Variants in GPBP1L1 observed in about 807,000 individuals in gnomAD.
GPBP1L1 encodes GC-rich promoter binding protein 1 like 1, also known as vasculin-like protein 1.
GPBP1L1 carries 23 observed loss-of-function variants against 52.5 expected under a neutral mutation model. The observed-to-expected ratio is 0.44, with a 90% confidence interval of 0.32 to 0.62. The LOEUF (loss-of-function observed/expected upper bound fraction) is 0.62. Among genes scored for constraint, GPBP1L1 ranks in the 20% least tolerant of loss-of-function variants. The pLI, the probability that GPBP1L1 is intolerant of heterozygous loss-of-function variation, is 0.06. For synonymous variants in GPBP1L1, 243 were observed against 203.1 expected, an observed-to-expected ratio of 1.20 and a Z score of -1.67; for missense variants, 596 against 579.3, an observed-to-expected ratio of 1.03 and a Z score of -0.30.
chr1:45,637,480 C>T (rs897036825), intron 8 of GPBP1L1, among the ~76,000 whole-genome samples: 2 of 108,466 alleles, frequency 1.8e-5, no homozygotes, highest in East Asian at 5.8e-4. Flanking sequence ...GTTACCATCT[C>T]TGCCATTCTC....
intron 8 of GPBP1L1, chr1:45,635,780 G>C (rs1230332891): frequency 6.6e-6 from 1 of 151,938 alleles, no homozygotes; most frequent in Admixed American, 6.6e-5. Context: ...TCTTCTACTG[G>C]ACTAAAAATT....
rs1162008328 is a variant in GPBP1L1, at chr1:45,661,144, CT to C, written c.-1017del. 2.0e-5 allele frequency: 3 copies of C among 152,186 alleles called. No homozygotes were observed. The highest frequency in any genetic ancestry group is 4.4e-5 in the Non-Finnish European group (3 of 68,032). 9.4% of individuals were successfully genotyped at this position (152,186 alleles called of 1,614,324 possible). On this transcript the variant is annotated 5_prime_UTR_variant, in exon 3 of 13. Transcript: ENST00000355105. Reference sequence around the variant, plus strand: ...AAGGAGATATGAAGAATCTTCTATGCTTTGGTAGAGAAGTCACTTATTATTT... The same window carrying C: ...AAGGAGATATGAAGAATCTTCTATGCTTGGTAGAGAAGTCACTTATTATTT...
At chr1:45,673,248 C>T (rs1645096092) in intron 2 of GPBP1L1, among the ~76,000 whole-genome samples, 1 of 152,156 alleles carries the variant, frequency 6.6e-6, no homozygotes, top group South Asian at 2.1e-4. Context: ...ACCCTGATTG[C>T]TTCTATCTTC....
At chr1:45,681,773 T>A (rs962869166) in intron 2 of GPBP1L1, among the ~76,000 whole-genome samples, 1 of 152,258 alleles carries the variant, frequency 6.6e-6, no homozygotes, top group Admixed American at 6.5e-5. Flanking sequence ...CTCATTTAAA[T>A]AATTCACTCA....
intron 2 of GPBP1L1, among the ~76,000 whole-genome samples, chr1:45,670,212 C>G (rs1018255432): frequency 6.6e-6 from 1 of 152,226 alleles, no homozygotes; most frequent in Non-Finnish European, 1.5e-5. Flanking sequence ...AGGTTTAACA[C>G]GATCACCTAC....
chr1:45,655,133 T>C (rs1416421389), intron 5 of GPBP1L1, 57 bp downstream of exon 5: 24 of 1,606,034 alleles, frequency 1.5e-5, no homozygotes, highest in Non-Finnish European at 2.0e-5. Flanking sequence ...ACCCACAGCC[T>C]GGGCTTGTCC....
rs1289111958 is a variant in GPBP1L1, at chr1:45,628,151, T to C, written c.*105A>G. The C allele has an allele frequency of 9.4e-6, 10 of 1,058,576 alleles. No homozygotes were observed. The highest frequency in any genetic ancestry group is 2.1e-5 in the Admixed American group (1 of 47,838). 65.6% of individuals were successfully genotyped at this position (1,058,576 alleles called of 1,614,324 possible). ...GGGATATGATTATTTCCCTTGTGAA[T>C]GAAGTATTCAACAACATAAGAAAAG... On this transcript the variant is annotated 3_prime_UTR_variant, in exon 13 of 13. Coordinates refer to ENST00000355105, the MANE Select transcript of GPBP1L1 (RefSeq NM_021639.5).
intron 12 of GPBP1L1, 129 bp from the exon 13 acceptor site, chr1:45,628,537 A>G (rs1257623736): frequency 4.2e-6 from 3 of 706,198 alleles, no homozygotes; most frequent in East Asian, 5.3e-5. Flanking sequence ...TGCTTCTAAG[A>G]GACCCTCTGA....
intron 6 of GPBP1L1, chr1:45,654,219 T>C (rs1011964125): frequency 5.2e-6 from 1 of 192,892 alleles, no homozygotes; most frequent in Non-Finnish European, 1.1e-5. Flanking sequence ...TGTTTTATCA[T>C]AGTTGGAAAA....
At chr1:45,670,176 T>C (rs1645058008) in intron 2 of GPBP1L1, among the ~76,000 whole-genome samples, 2 of 152,272 alleles carry the variant, frequency 1.3e-5, no homozygotes, top group African/African-American at 4.8e-5. Context: ...ATGGCCAGAC[T>C]GGAGGTTATT....
intron 2 of GPBP1L1, among the ~76,000 whole-genome samples, chr1:45,676,725 A>AG (rs1306455153): frequency 1.3e-5 from 2 of 151,390 alleles, no homozygotes; most frequent in African/African-American, 4.9e-5. Flanking sequence ...AAAAAAAAAA[A>AG]AAAAAAAATT....
At chr1:45,639,625 C>T (rs552815244) in intron 8 of GPBP1L1, among the ~76,000 whole-genome samples, 32 of 151,242 alleles carry the variant, frequency 2.1e-4, no homozygotes, top group Non-Finnish European at 4.3e-4. Context: ...GCCTGTAATC[C>T]CAGCACCTTG....
Position 45,642,476 on chromosome 1 carries a change from G to C in GPBP1L1, c.501C>G (p.Gly167=). The change falls in exon 7 of 13, where the codon GGC becomes GGG. Residue 167 remains glycine, a synonymous_variant. Transcript: ENST00000355105. ...EDFPSLNPEA[G]KQHQPCRPIG... ...TAGGTCTGCATGGCTGATGCTGTTT[G>C]CCAGCTTCTGGATTCAAGGAAGGCT... 6.2e-7 allele frequency: 1 copy of C among 1,613,976 alleles called. No individual in the cohort carries two copies. The highest frequency in any genetic ancestry group is 8.5e-7 in the Non-Finnish European group (1 of 1,179,888).
chr1:45,673,945 G>C (rs1464766202), intron 2 of GPBP1L1, among the ~76,000 whole-genome samples: 3 of 152,296 alleles, frequency 2.0e-5, no homozygotes, highest in Admixed American at 2.0e-4. Flanking sequence ...AGGCACGGTG[G>C]CCCAGGCTTG....
intron 11 of GPBP1L1, 76 bp downstream of exon 11, chr1:45,630,406 T>G: frequency 1.4e-4 from 212 of 1,512,196 alleles, no homozygotes; most frequent in Middle Eastern, 3.5e-4. Flanking sequence ...CCTATCTATC[T>G]GAGATATCTT....
chr1:45,663,625 G>A (rs1279415819), intron 2 of GPBP1L1, among the ~76,000 whole-genome samples: 1 of 152,152 alleles, frequency 6.6e-6, no homozygotes, highest in African/African-American at 2.4e-5. Context: ...CGCCATAAGT[G>A]GGGACACTTA....
At chr1:45,645,506 G>C (rs965337214) in intron 6 of GPBP1L1, among the ~76,000 whole-genome samples, 3 of 152,078 alleles carry the variant, frequency 2.0e-5, no homozygotes, top group Non-Finnish European at 2.9e-5. Context: ...TATTTCACCA[G>C]TGACCAAAAT....
At chr1:45,660,072 A>G (rs1322399088) in intron 3 of GPBP1L1, 112 bp downstream of exon 3, 1 of 566,974 alleles carries the variant, frequency 1.8e-6, no homozygotes, top group Non-Finnish European at 2.2e-6. Flanking sequence ...GTGTCTTCAA[A>G]CCACCCCACT....
At chr1:45,643,942 C>T in intron 6 of GPBP1L1, among the ~76,000 whole-genome samples, 1 of 152,138 alleles carries the variant, frequency 6.6e-6, no homozygotes. Context: ...GCTGAGATTA[C>T]AGGCATGAGC....
Sources: allele counts gnomAD v4.1 joint callset (sites outside exome capture counted in the v4.1 genomes callset), GRCh38; gene constraint gnomAD v4.1.1; transcripts MANE v1.5; gene names NCBI Gene and HGNC (gene_info 2026-07-23, HGNC 2026-07-21).